The following SFMBT1 variants were observed in gnomAD, a reference collection of about 807,000 sequenced individuals.
The protein encoded by SFMBT1 is Scm like with four mbt domains 1, also known as scm-like with four MBT domains protein 1.
SFMBT1 carries 32 observed loss-of-function variants against 108.7 expected under a neutral mutation model. The observed-to-expected ratio is 0.29, with a 90% CI of 0.22 to 0.40. SFMBT1 has a LOEUF of 0.40. SFMBT1 is among the 10% of genes least tolerant of loss of function. The probability of loss-of-function intolerance (pLI) is 1.00; values close to 1 mark genes in which losing one functional copy is unlikely to be tolerated. For missense variants in SFMBT1, 816 were observed against 1,059.6 expected (o/e 0.77, Z 3.19); for synonymous variants, 348 against 369.5 (o/e 0.94, Z 0.67).
chr3:52,948,746 G>A (rs1703465066), intron 3 of SFMBT1, among the ~76,000 whole-genome samples: 1 of 150,292 alleles, frequency 6.7e-6, no homozygotes, highest in Non-Finnish European at 1.5e-5. Flanking sequence ...CTGTCTCCTG[G>A]GCTCAAAGGA....
rs117626810 is a variant in SFMBT1, at chr3:53,005,719, T to C, written c.-130-36461A>G. On this transcript the variant is annotated intron_variant, in intron 1 of 20. Coordinates refer to ENST00000394752, the MANE Select transcript of SFMBT1 (RefSeq NM_016329.4). ...CAACATGTGTTTCAGGCACAGTGAC[T>C]AGACCAATTTGGCTGGGGTACTTTT... is the stretch of plus-strand genomic sequence containing the variant. Among the ~76,000 whole-genome samples, 26 of 152,340 alleles carry C rather than the reference T, an allele frequency of 1.7e-4. No homozygotes were observed. The East Asian group carries it at 2.1e-3, about 12-fold the overall frequency.
At chr3:52,932,002 T>C (rs762974550) in intron 6 of SFMBT1, 60 bp downstream of exon 6, 139 of 1,551,104 alleles carry the variant, frequency 9.0e-5, no homozygotes, top group Non-Finnish European at 1.1e-4. Context: ...TTCAGCCTCA[T>C]AGATATTAAT....
chr3:52,948,381 G>C (rs1559522319), intron 3 of SFMBT1, among the ~76,000 whole-genome samples: 1 of 151,512 alleles, frequency 6.6e-6, no homozygotes, highest in Non-Finnish European at 1.5e-5. Context: ...TATTCTTTAG[G>C]TGTGTCTGGC....
intron 1 of SFMBT1, among the ~76,000 whole-genome samples, chr3:52,978,567 G>A (rs1036130046): frequency 1.3e-5 from 2 of 152,142 alleles, no homozygotes; most frequent in African/African-American, 4.8e-5. Flanking sequence ...CAGTTCCTCA[G>A]TGTTAAACAT....
At chr3:52,941,476 C>T (rs934154700) in intron 4 of SFMBT1, among the ~76,000 whole-genome samples, 1 of 150,784 alleles carries the variant, frequency 6.6e-6, no homozygotes, top group African/African-American at 2.4e-5. Context: ...TGCCTGTAAT[C>T]CCAGCTACTT....
In SFMBT1 at chr3:52,954,426, A is replaced by G. The variant is rs761782092; in HGVS notation, c.29-15T>C. On this transcript the variant is annotated splice_polypyrimidine_tract_variant and intron_variant, in intron 2 of 20. Transcript: ENST00000394752. ...AGAGCCGGCATCTAGAATTAAAAAT[A>G]AAACAAAAACAGGTGAATCCCAATT... The G allele has an allele frequency of 1.3e-5, 20 of 1,579,226 alleles. No individual in the cohort carries two copies. Among genetic ancestry groups the G allele is most frequent in the Admixed American group, 1.2e-4 (7 of 57,324 alleles).
intron 1 of SFMBT1, among the ~76,000 whole-genome samples, chr3:53,007,148 A>G (rs1698774617): frequency 6.6e-6 from 1 of 152,236 alleles, no homozygotes; most frequent in Non-Finnish European, 1.5e-5. Flanking sequence ...TGCTTTATCA[A>G]TCAAAAGTGT....
At chr3:52,937,918 C>T (rs975179714) in intron 4 of SFMBT1, among the ~76,000 whole-genome samples, 1 of 152,090 alleles carries the variant, frequency 6.6e-6, no homozygotes, top group African/African-American at 2.4e-5. Flanking sequence ...AATAAGTTCA[C>T]ACACACACAT....
Position 53,008,690 on chromosome 3 carries a change from G to A in SFMBT1, c.-131+37126C>T, listed in dbSNP as rs548840841. Among the ~76,000 whole-genome samples, 67 of 151,478 alleles carry A rather than the reference G, an allele frequency of 4.4e-4. 2 individuals are homozygous for A. The South Asian group carries it at 0.014, about 31-fold the overall frequency. On this transcript the variant is annotated intron_variant, in intron 1 of 20. Transcript: ENST00000394752. The stretch of plus-strand genomic sequence containing the variant: ...CTGTCACCCAGGCTGGAGTGCAGTG[G>A]CGCGATCTAAGCTCACTGCAAGCTC...
intron 3 of SFMBT1, among the ~76,000 whole-genome samples, chr3:52,949,469 G>A (rs911671051): frequency 6.0e-5 from 9 of 150,506 alleles, no homozygotes; most frequent in Admixed American, 5.3e-4. Flanking sequence ...ACCAGGTTTT[G>A]ACTTGCGTAT....
intron 1 of SFMBT1, among the ~76,000 whole-genome samples, chr3:53,042,164 G>A (rs1700079467): frequency 6.6e-6 from 1 of 152,186 alleles, no homozygotes; most frequent in Admixed American, 6.5e-5. Flanking sequence ...AACATAACAT[G>A]ACGCCAAAAT....
intron 1 of SFMBT1, among the ~76,000 whole-genome samples, chr3:52,971,924 G>T (rs1704360421): frequency 6.6e-6 from 1 of 152,220 alleles, no homozygotes; most frequent in Admixed American, 6.5e-5. Context: ...GCAAATAAAA[G>T]ACTGAACAGG....
At chr3:53,039,535 A>ATGG (rs1245139887) in intron 1 of SFMBT1, among the ~76,000 whole-genome samples, 2 of 152,176 alleles carry the variant, frequency 1.3e-5, no homozygotes, top group African/African-American at 2.4e-5. Flanking sequence ...CTAGAGATGG[A>ATGG]TGGTGGTAAT....
At chr3:52,952,531 G>T (rs1703629972) in intron 3 of SFMBT1, among the ~76,000 whole-genome samples, 1 of 152,274 alleles carries the variant, frequency 6.6e-6, no homozygotes, top group East Asian at 1.9e-4. Flanking sequence ...TCTTAGGCTG[G>T]AAAATGTATA....
intron 1 of SFMBT1, among the ~76,000 whole-genome samples, chr3:53,037,430 T>C (rs964613143): frequency 6.6e-6 from 1 of 152,230 alleles, no homozygotes. Context: ...AATTTGCATA[T>C]GGTGTTATTC....
At chr3:53,025,566 T>C (rs1243350097) in intron 1 of SFMBT1, among the ~76,000 whole-genome samples, 1 of 152,034 alleles carries the variant, frequency 6.6e-6, no homozygotes, top group African/African-American at 2.4e-5. Context: ...CAGTGAGCCA[T>C]GATTGTGCCA....
chr3:52,954,261 A>C (rs1703702261), intron 3 of SFMBT1, 56 bp downstream of exon 3: 1 of 1,252,268 alleles, frequency 8.0e-7, no homozygotes, highest in South Asian at 1.3e-5. Context: ...ATGATAATAC[A>C]GAGATTCGAA....
intron 1 of SFMBT1, among the ~76,000 whole-genome samples, chr3:53,022,051 A>C (rs1286472239): frequency 6.6e-6 from 1 of 152,208 alleles, no homozygotes; most frequent in East Asian, 1.9e-4. Context: ...ATGGCATTAA[A>C]TAAAAAGTGG....
At chr3:53,005,892 C>G (rs1698722995) in intron 1 of SFMBT1, among the ~76,000 whole-genome samples, 1 of 152,082 alleles carries the variant, frequency 6.6e-6, no homozygotes, top group South Asian at 2.1e-4. Flanking sequence ...AATTCCAGAC[C>G]AGCCTTCTGA....
Sources: allele counts gnomAD v4.1 joint callset (sites outside exome capture counted in the v4.1 genomes callset), GRCh38; gene constraint gnomAD v4.1.1; transcripts MANE v1.5; gene names NCBI Gene and HGNC (gene_info 2026-07-23, HGNC 2026-07-21).